Variants in PIK3AP1 observed in about 807,000 individuals in gnomAD.
PIK3AP1 encodes the protein phosphoinositide-3-kinase adaptor protein 1.
Under a neutral mutation model 88.1 loss-of-function variants are expected in PIK3AP1, and 21 were observed. The observed-to-expected ratio is 0.24, with a 90% confidence interval of 0.17 to 0.34. The LOEUF is 0.34. Ranked by LOEUF, PIK3AP1 falls within the 10% of genes least tolerant of loss-of-function variation. The pLI is 1.00. For missense variants in PIK3AP1, 828 were observed against 1,035.7 expected (o/e 0.80, Z 2.75); for synonymous variants, 398 against 400.0 (o/e 1.00, Z 0.06).
intron 1 of PIK3AP1, among the ~76,000 whole-genome samples, chr10:96,717,115 G>C (rs140092941): frequency 1.4e-4 from 21 of 152,128 alleles, no homozygotes; most frequent in Non-Finnish European, 2.6e-4. Context: ...AAAATTAGCT[G>C]AGTATGGTGG....
chr10:96,626,624 T>C, intron 10 of PIK3AP1, 84 bp downstream of exon 10: 1 of 1,411,436 alleles, frequency 7.1e-7, no homozygotes, highest in South Asian at 1.3e-5. Flanking sequence ...CTCTGAGCAA[T>C]GGTTCAAAAA....
chr10:96,648,522 C>T, intron 7 of PIK3AP1, 137 bp downstream of exon 7: 3 of 929,802 alleles, frequency 3.2e-6, no homozygotes, highest in Non-Finnish European at 4.6e-6. Flanking sequence ...TTCTTAAGCC[C>T]ACACATACTG....
chr10:96,639,465 A>G (rs1456041799), intron 8 of PIK3AP1, among the ~76,000 whole-genome samples: 7 of 152,204 alleles, frequency 4.6e-5, no homozygotes, highest in African/African-American at 7.2e-5. Context: ...GTGACCTGCA[A>G]GCTGTGCAGG....
intron 2 of PIK3AP1, among the ~76,000 whole-genome samples, chr10:96,661,399 A>G (rs1169488295): frequency 6.6e-6 from 1 of 152,204 alleles, no homozygotes; most frequent in Non-Finnish European, 1.5e-5. Flanking sequence ...ACACCAATAG[A>G]GTATACAACA....
At chr10:96,696,860 A>C (rs952825637) in intron 2 of PIK3AP1, among the ~76,000 whole-genome samples, 1 of 152,254 alleles carries the variant, frequency 6.6e-6, no homozygotes, top group Non-Finnish European at 1.5e-5. Flanking sequence ...AAGTGAATAC[A>C]CTACCATACC....
At chr10:96,630,228 C>T (rs1220626505) in intron 8 of PIK3AP1, among the ~76,000 whole-genome samples, 3 of 152,116 alleles carry the variant, frequency 2.0e-5, no homozygotes, top group East Asian at 1.9e-4. Context: ...GCATAGTGGA[C>T]GCGTTACATA....
At chr10:96,718,496 C>G (rs1484636231) in intron 1 of PIK3AP1, among the ~76,000 whole-genome samples, 1 of 152,200 alleles carries the variant, frequency 6.6e-6, no homozygotes, top group Non-Finnish European at 1.5e-5. Flanking sequence ...ATTACAGCAC[C>G]TGGAGTGGTG....
intron 8 of PIK3AP1, among the ~76,000 whole-genome samples, chr10:96,638,866 A>C (rs2134220828): frequency 6.6e-6 from 1 of 152,352 alleles, no homozygotes; most frequent in Non-Finnish European, 1.5e-5. Flanking sequence ...AAGCTTTGAA[A>C]GGCAAGTTTC....
intron 2 of PIK3AP1, among the ~76,000 whole-genome samples, chr10:96,686,713 G>A (rs1224905640): frequency 6.6e-6 from 1 of 152,006 alleles, no homozygotes; most frequent in Non-Finnish European, 1.5e-5. Flanking sequence ...TAAATACAGA[G>A]ACAGCACAGT....
chr10:96,666,141 C>T (rs944030139), intron 2 of PIK3AP1, among the ~76,000 whole-genome samples: 2 of 152,058 alleles, frequency 1.3e-5, no homozygotes, highest in Admixed American at 6.5e-5. Flanking sequence ...TTAAATAGGC[C>T]GGGCGAGGTG....
chr10:96,648,798 T>C lies in PIK3AP1; in HGVS notation c.1046A>G (p.Lys349Arg). The C allele has an allele frequency of 6.2e-7, 1 of 1,604,736 alleles. No homozygotes were observed. Among genetic ancestry groups the C allele is most frequent in the East Asian group, 2.3e-5 (1 of 43,862 alleles). Residue 349 changes from lysine to arginine, a missense_variant, in exon 7 of 17, where the codon AAG (lysine) becomes AGG (arginine). By Grantham distance (26) the Lys-to-Arg change is conservative (BLOSUM62 2). This residue lies in a region of PIK3AP1 where 610 missense variants were observed against 760.1 expected (regional missense o/e 0.80). Coordinates refer to ENST00000339364, the MANE Select transcript of PIK3AP1 (RefSeq NM_152309.3). ...LLHFAAKYGLKNLTALLLTCP... is the reference protein window; with the variant it reads ...LLHFAAKYGLRNLTALLLTCP... ...GGTGAGCAACAAGGCAGTGAGGTTCTTCAGTCCATACTTCGCAGCAAAATG... is the reference window on the plus strand; with the variant it reads ...GGTGAGCAACAAGGCAGTGAGGTTCCTCAGTCCATACTTCGCAGCAAAATG...
chr10:96,700,116 C>T (rs1282749151), intron 2 of PIK3AP1, among the ~76,000 whole-genome samples: 2 of 152,150 alleles, frequency 1.3e-5, no homozygotes, highest in African/African-American at 2.4e-5. Flanking sequence ...TTTCAGCATT[C>T]GTGACTCCCT....
intron 14 of PIK3AP1, among the ~76,000 whole-genome samples, chr10:96,607,685 C>T (rs2134187602): frequency 6.6e-6 from 1 of 152,214 alleles, no homozygotes; most frequent in South Asian, 2.1e-4. Context: ...GATCTTGTTG[C>T]CATATAAAAG....
intron 2 of PIK3AP1, among the ~76,000 whole-genome samples, chr10:96,667,529 G>A (rs183446456): frequency 6.0e-4 from 92 of 152,250 alleles, no homozygotes; most frequent in African/African-American, 2.0e-3. Flanking sequence ...TAAGTACACT[G>A]TCCAAGTCAC....
chr10:96,612,950 G>GTGTGTGTGTA (rs1481031378), intron 13 of PIK3AP1, among the ~76,000 whole-genome samples: 1 of 59,682 alleles, frequency 1.7e-5, no homozygotes, highest in African/African-American at 7.8e-5. Context: ...GTGTGTGTGT[G>GTGTGTGTGTA]TATATATATA....
chr10:96,682,013 T>TAGAG (rs55857679), intron 2 of PIK3AP1, among the ~76,000 whole-genome samples: 1 of 108,500 alleles, frequency 9.2e-6, no homozygotes, highest in East Asian at 2.7e-4. Context: ...TATATATATA[T>TAGAG]AGAGAGAGAG....
intron 14 of PIK3AP1, among the ~76,000 whole-genome samples, chr10:96,605,160 C>T (rs1848981627): frequency 6.6e-6 from 1 of 152,024 alleles, no homozygotes; most frequent in Admixed American, 6.6e-5. Flanking sequence ...GCCGGGCCCT[C>T]AGAAGTATAA....
At chr10:96,621,935 T>C (rs945615495) in intron 11 of PIK3AP1, among the ~76,000 whole-genome samples, 3 of 152,202 alleles carry the variant, frequency 2.0e-5, no homozygotes, top group African/African-American at 4.8e-5. Context: ...TATTGCCAAA[T>C]GTTCTTTAGG....
chr10:96,653,159 C>T (rs796278132), intron 3 of PIK3AP1, among the ~76,000 whole-genome samples: 19 of 152,058 alleles, frequency 1.2e-4, no homozygotes, highest in African/African-American at 3.4e-4. Flanking sequence ...GTAATCTCAA[C>T]GCTTTGGGAG....
Sources: gnomAD v4.1 joint callset for allele counts (sites outside exome capture counted in the v4.1 genomes callset) on GRCh38, gnomAD v4.1.1 for gene constraint, gnomAD v4.1.1 regional missense constraint, MANE v1.5 for transcripts, NCBI Gene and HGNC (gene_info 2026-07-23, HGNC 2026-07-21) for gene names.